The following CEMIP variants were observed in gnomAD, a reference collection of about 807,000 sequenced individuals.
CEMIP encodes the protein cell migration inducing hyaluronidase 1.
A neutral mutation model predicts 156.9 loss-of-function variants in CEMIP; 105 were observed. That is an observed-to-expected ratio of 0.67 (90% CI 0.57 to 0.79). The LOEUF (loss-of-function observed/expected upper bound fraction) is 0.79. CEMIP is among the 30% of genes least tolerant of loss of function. The probability of loss-of-function intolerance (pLI) is 0.00; values close to 1 mark genes in which losing one functional copy is unlikely to be tolerated. For missense variants in CEMIP, 1,457 were observed against 1,769.4 expected (o/e 0.82, Z 3.17); for synonymous variants, 676 against 668.4 (o/e 1.01, Z -0.17).
intron 1 of CEMIP, among the ~76,000 whole-genome samples, chr15:80,818,338 C>T (rs148702095): frequency 1.3e-5 from 2 of 152,180 alleles, no homozygotes; most frequent in Admixed American, 6.5e-5. Flanking sequence ...GTCACTTCTA[C>T]TCATGTATCA....
At chr15:80,925,578 TG>T in intron 18 of CEMIP, 45 bp from the exon 19 acceptor site, 3 of 1,605,326 alleles carry the variant, frequency 1.9e-6, no homozygotes, top group Non-Finnish European at 2.5e-6. Context: ...AGCAGAGGCG[TG>T]CCCCCAACAC....
chr15:80,944,267 A>G (rs1351695651), intron 28 of CEMIP, among the ~76,000 whole-genome samples: 1 of 152,194 alleles, frequency 6.6e-6, no homozygotes, highest in East Asian at 1.9e-4. Flanking sequence ...GTGACACAGC[A>G]AGACTCCGTC....
rs184968955 is a variant in CEMIP, at chr15:80,898,953, G to A, written c.1411+2893G>A. ...ATACAGGCCGGGCGCGGTGGCTCAC[G>A]TCTGTAATTCCAGGACTTTGGGATG... On this transcript the variant is annotated intron_variant, in intron 12 of 29. Coordinates refer to ENST00000394685, the MANE Select transcript of CEMIP (RefSeq NM_001293298.2). Among the ~76,000 whole-genome samples, 283 of 152,296 alleles carry A rather than the reference G, an allele frequency of 1.9e-3. 1 individual carries two copies. The highest frequency in any genetic ancestry group is 6.2e-3 in the African/African-American group (257 of 41,556).
intron 17 of CEMIP, among the ~76,000 whole-genome samples, chr15:80,923,745 AG>A (rs1900556734): frequency 6.6e-6 from 1 of 152,172 alleles, no homozygotes; most frequent in Non-Finnish European, 1.5e-5. Flanking sequence ...CTGTTCCAGG[AG>A]GCTTCACCTG....
intron 1 of CEMIP, among the ~76,000 whole-genome samples, chr15:80,798,681 A>G (rs1896294601): frequency 6.6e-6 from 1 of 152,218 alleles, no homozygotes; most frequent in African/African-American, 2.4e-5. Context: ...TTCATATCAT[A>G]TACCTATTGA....
chr15:80,874,469 TA>T (rs200991275), intron 3 of CEMIP, among the ~76,000 whole-genome samples: 21,067 of 148,248 alleles, frequency 0.14, 1,463 homozygotes, highest in South Asian at 0.19. Context: ...AATAGGCTGT[TA>T]AAAAAAAAAA....
chr15:80,895,899 C>G lies in CEMIP; in HGVS notation c.1250C>G (p.Thr417Ser). 1.2e-6 allele frequency: 2 copies of G among 1,614,136 alleles called. No individual in the cohort carries two copies. The highest frequency in any genetic ancestry group is 1.1e-5 in the South Asian group (1 of 91,082). The change falls in exon 12 of 30, where the codon ACC (threonine) becomes AGC (serine). Residue 417 changes from threonine (T) to serine (S), a missense_variant. Thr to Ser is a moderately conservative substitution (Grantham distance 58). This residue lies in a region of CEMIP where 280 missense variants were observed against 300.3 expected (regional missense o/e 0.93). Coordinates refer to ENST00000394685, the MANE Select transcript of CEMIP (RefSeq NM_001293298.2). ...VRPKLTVTID[T>S]NVNSTILNLE... ...CCCAAACTCACAGTCACCATTGACA[C>G]CAATGTGAACAGCACCATTCTGAAC...
chr15:80,781,678 C>T (rs1895801785), intron 1 of CEMIP, among the ~76,000 whole-genome samples: 1 of 152,138 alleles, frequency 6.6e-6, no homozygotes, highest in African/African-American at 2.4e-5. Context: ...AATTTTGAGA[C>T]AGCATCTGTG....
chr15:80,806,757 C>T (rs4778625), intron 1 of CEMIP, among the ~76,000 whole-genome samples: 16,141 of 152,252 alleles, frequency 0.11, 1,318 homozygotes, highest in East Asian at 0.47. Flanking sequence ...TTATGCATAG[C>T]GTTATCCTGT....
chr15:80,814,387 GGCCACCATCTCCA>G (rs1277125060), intron 1 of CEMIP, among the ~76,000 whole-genome samples: 2 of 152,112 alleles, frequency 1.3e-5, no homozygotes, highest in Non-Finnish European at 2.9e-5. Flanking sequence ...CCCACGGCTT[GGCCACCATCTCCA>G]GCTCAGCCTG....
intron 17 of CEMIP, among the ~76,000 whole-genome samples, chr15:80,923,043 C>T (rs1188844447): frequency 6.6e-6 from 1 of 152,124 alleles, no homozygotes; most frequent in Non-Finnish European, 1.5e-5. Context: ...TTTTTAAAAG[C>T]CCAACCAGAG....
chr15:80,904,433 G>T (rs909294558), intron 12 of CEMIP, among the ~76,000 whole-genome samples: 2 of 152,178 alleles, frequency 1.3e-5, no homozygotes, highest in Non-Finnish European at 2.9e-5. Context: ...ATGGAATAAT[G>T]ACCCCTAAAT....
intron 1 of CEMIP, among the ~76,000 whole-genome samples, chr15:80,867,780 G>C (rs1199639594): frequency 6.6e-6 from 1 of 152,166 alleles, no homozygotes; most frequent in African/African-American, 2.4e-5. Flanking sequence ...GGGATACTGT[G>C]TCAGGACCAG....
intron 12 of CEMIP, among the ~76,000 whole-genome samples, chr15:80,902,487 C>T (rs966574575): frequency 3.3e-5 from 5 of 152,108 alleles, no homozygotes; most frequent in African/African-American, 4.8e-5. Context: ...CCTCATCTCT[C>T]GGATAGCAGC....
At chr15:80,943,236 C>A in intron 28 of CEMIP, 134 bp downstream of exon 28, 1 of 962,658 alleles carries the variant, frequency 1.0e-6, no homozygotes, top group Non-Finnish European at 1.7e-6. Context: ...AGCCTGCCCA[C>A]AAATCATGGG....
At chr15:80,894,640 T>C (rs1232625549) in intron 10 of CEMIP, among the ~76,000 whole-genome samples, 2 of 152,142 alleles carry the variant, frequency 1.3e-5, no homozygotes, top group Non-Finnish European at 2.9e-5. Context: ...GTGCTGGTAG[T>C]GGTGGTGCAA....
At chr15:80,915,793 G>C (rs1030131934) in intron 14 of CEMIP, among the ~76,000 whole-genome samples, 1 of 151,998 alleles carries the variant, frequency 6.6e-6, no homozygotes, top group Admixed American at 6.6e-5. Flanking sequence ...TTGGTTGTCC[G>C]GGTTTTTTTC....
chr15:80,891,608 C>T lies in CEMIP; in HGVS notation c.1086+2016C>T, dbSNP rs185468540. The stretch of plus-strand genomic sequence containing the variant: ...ATGAAAGCATTCAGAACTCCCAATT[C>T]CATAATAAGACCTTTGGCTTTTTCT... On this transcript the variant is annotated intron_variant, in intron 10 of 29. Transcript: ENST00000394685. Among the ~76,000 whole-genome samples, 26 of 152,342 alleles carry T rather than the reference C, an allele frequency of 1.7e-4. No individual in the cohort carries two copies. In the East Asian group the frequency reaches 4.2e-3, roughly 25 times the overall value.
intron 1 of CEMIP, among the ~76,000 whole-genome samples, chr15:80,831,647 A>C (rs555472232): frequency 6.6e-6 from 1 of 152,318 alleles, no homozygotes; most frequent in East Asian, 1.9e-4. Flanking sequence ...ACCGGTGAGC[A>C]TTCCAGATGA....
Sources: gnomAD v4.1 joint callset for allele counts (sites outside exome capture counted in the v4.1 genomes callset) on GRCh38, gnomAD v4.1.1 for gene constraint, gnomAD v4.1.1 regional missense constraint, MANE v1.5 for transcripts, NCBI Gene and HGNC (gene_info 2026-07-23, HGNC 2026-07-21) for gene names.